The following UBE2O variants were observed in gnomAD, a reference collection of about 807,000 sequenced individuals.
The protein encoded by UBE2O is (E3-independent) E2 ubiquitin-conjugating enzyme.
In UBE2O, 15 loss-of-function variants were observed where a neutral mutation model predicts 125.8. The ratio of observed to expected loss-of-function variants is 0.12; its 90% CI spans 0.08 to 0.18. The LOEUF (loss-of-function observed/expected upper bound fraction) is 0.18. Among genes scored for constraint, UBE2O ranks in the 10% least tolerant of loss-of-function variants. UBE2O has a pLI of 1.00. For synonymous variants in UBE2O, 708 were observed against 703.2 expected (o/e 1.01, Z -0.11); for missense variants, 1,280 against 1,723.6 (o/e 0.74, Z 4.56).
At chr17:76,412,992 GAAGACAGGGC>G (rs1427418007) in intron 1 of UBE2O, among the ~76,000 whole-genome samples, 2 of 152,146 alleles carry the variant, frequency 1.3e-5, no homozygotes, top group Non-Finnish European at 2.9e-5. Flanking sequence ...TAGGTGACTG[GAAGACAGGGC>G]AAGACTCTGT....
Position 76,391,097 on chromosome 17 carries a change from C to T in UBE2O, c.3725G>A (p.Arg1242Gln), listed in dbSNP as rs754218354. The T allele has an allele frequency of 6.8e-6, 11 of 1,614,042 alleles. No homozygotes were observed. The highest frequency in any genetic ancestry group is 1.3e-5 in the African/African-American group (1 of 74,946). The change falls in exon 18 of 18, where the codon CGG (arginine) becomes CAG (glutamine). Residue 1242 changes from arginine (R) to glutamine (Q), a missense_variant. Transcript: ENST00000319380. The surrounding 1 kb of genome is among the most constrained non-coding windows in gnomAD (Gnocchi z 8.4). ...GCCACTCTTCTCAGGTAAGAAGCTCCGGTAGCTCTTTCTCCGCTTCTTTGG... is the reference window on the plus strand; with the variant it reads ...GCCACTCTTCTCAGGTAAGAAGCTCTGGTAGCTCTTTCTCCGCTTCTTTGG... The part of the protein sequence containing the change: ...VKPKKRRKSY[R>Q]SFLPEKSGYP...
rs1470629382 is a variant in UBE2O, at chr17:76,391,859, C to T, written c.3151-46G>A. 1 of 1,613,980 alleles carries T rather than the reference C, an allele frequency of 6.2e-7. No homozygotes were observed. The highest frequency in any genetic ancestry group is 8.5e-7 in the Non-Finnish European group (1 of 1,179,944). ...TCAATTCTGTTCCCCAGGCCCCTATCCACCAGTGGCTCTTCCTCCTTCTTG... is the reference window on the plus strand; with the variant it reads ...TCAATTCTGTTCCCCAGGCCCCTATTCACCAGTGGCTCTTCCTCCTTCTTG... On this transcript the variant is annotated intron_variant, in intron 16 of 17. Transcript: ENST00000319380. This position sits in a 1 kb window ranked among gnomAD's most constrained non-coding sequence, Gnocchi z 8.4.
intron 1 of UBE2O, among the ~76,000 whole-genome samples, chr17:76,445,182 G>C (rs1374489284): frequency 6.6e-6 from 1 of 152,056 alleles, no homozygotes; most frequent in Non-Finnish European, 1.5e-5. Flanking sequence ...AGTGCTAGCT[G>C]GGAATATTCA....
At chr17:76,409,857 G>C (rs573544492) in intron 1 of UBE2O, among the ~76,000 whole-genome samples, 26 of 152,270 alleles carry the variant, frequency 1.7e-4, no homozygotes, top group Middle Eastern at 3.4e-3. Flanking sequence ...TCTCCTGCAG[G>C]GGGGATGCAG....
rs752963483 is a variant in UBE2O at position 76,395,799 on chromosome 17, C to T, written c.2872G>A (p.Val958Met). Residue 958 changes from valine to methionine, a missense_variant, in exon 15 of 18, where the codon GTG (valine) becomes ATG (methionine). This residue lies in a region of UBE2O where 116 missense variants were observed against 154.8 expected (regional missense o/e 0.75). Transcript: ENST00000319380. This position sits in a 1 kb window ranked among gnomAD's most constrained non-coding sequence, Gnocchi z 5.0. ...PPEAKKFFST[V>M]RKEMALLATS... ...GCCAGCAGCGCCATCTCCTTCCGCA[C>T]TGTGCTGAAGAACTTCTTGGCTTCT... is the stretch of plus-strand genomic sequence containing the variant. 3 of 1,614,230 alleles carry T rather than the reference C, an allele frequency of 1.9e-6. No individual in the cohort carries two copies. Among genetic ancestry groups the T allele is most frequent in the Non-Finnish European group, 2.5e-6 (3 of 1,180,048 alleles).
At chr17:76,438,961 C>T (rs904856500) in intron 1 of UBE2O, among the ~76,000 whole-genome samples, 1 of 152,142 alleles carries the variant, frequency 6.6e-6, no homozygotes, top group African/African-American at 2.4e-5. Flanking sequence ...TTCCTAGCTC[C>T]CCACATTCCA....
intron 1 of UBE2O, chr17:76,430,444 G>C: frequency 4.4e-6 from 1 of 225,870 alleles, no homozygotes; most frequent in Non-Finnish European, 8.8e-6. Flanking sequence ...GAAGCCTGTG[G>C]ATCTGGCCCT....
At chr17:76,403,231 G>A (rs1378802517) in intron 3 of UBE2O, among the ~76,000 whole-genome samples, 1 of 151,756 alleles carries the variant, frequency 6.6e-6, no homozygotes, top group Non-Finnish European at 1.5e-5. Context: ...TTAGGTGGAA[G>A]TGGATCTATC....
chr17:76,439,556 T>C (rs2073049262), intron 1 of UBE2O, among the ~76,000 whole-genome samples: 6 of 152,228 alleles, frequency 3.9e-5, no homozygotes, highest in Admixed American at 3.9e-4. Flanking sequence ...CAGGCATTCT[T>C]GGTTTTTAAG....
Position 76,405,165 on chromosome 17 carries a change from G to A in UBE2O, c.588+41C>T. 1 of 1,480,696 alleles carries A rather than the reference G, an allele frequency of 6.8e-7. No homozygotes were observed. Among genetic ancestry groups the A allele is most frequent in the Non-Finnish European group, 9.3e-7 (1 of 1,075,208 alleles). 91.7% of individuals were successfully genotyped at this position (1,480,696 alleles called of 1,614,324 possible). ...AGAGGTCGTGCCGCCGAGAGAACCA[G>A]AGGGCCCAGAAAGGATGATGAGAAG... is the stretch of plus-strand genomic sequence containing the variant. On this transcript the variant is annotated intron_variant, in intron 3 of 17. Transcript: ENST00000319380. The surrounding 1 kb of genome is among the most constrained non-coding windows in gnomAD (Gnocchi z 6.1).
intron 1 of UBE2O, among the ~76,000 whole-genome samples, chr17:76,444,019 G>A (rs992578437): frequency 6.6e-6 from 1 of 152,156 alleles, no homozygotes; most frequent in Non-Finnish European, 1.5e-5. Context: ...TCAAGAGTTC[G>A]AGACCAGCCT....
At chr17:76,401,930 G>C (rs1442678285) in intron 5 of UBE2O, 134 bp downstream of exon 5, 2 of 525,082 alleles carry the variant, frequency 3.8e-6, no homozygotes, top group East Asian at 8.4e-5. Flanking sequence ...CAAACTTTTA[G>C]ACCCTCTGGC....
Position 76,452,846 on chromosome 17 carries a change from G to T in UBE2O, c.296C>A (p.Ser99Ter). Residue 99 changes from serine to a stop codon, truncating the protein, a stop_gained, in exon 1 of 18, where the codon TCG (serine) becomes TAG (stop). Transcript: ENST00000319380. LOFTEE classifies it high-confidence loss of function. The surrounding 1 kb of genome is among the most constrained non-coding windows in gnomAD (Gnocchi z 4.4). ...SEGEEEGRGS[S>*]GCSEAGGAGH... The stretch of plus-strand genomic sequence containing the variant: ...CGCGCCCCCGGCCTCGGAGCACCCC[G>T]AGCTCCCGCGGCCCTCCTCCTCGCC... 6.7e-7 allele frequency: 1 copy of T among 1,503,294 alleles called. No homozygotes were observed. The allele number at this position is 1,503,294 out of a possible 1,614,324, so 93.1% of individuals were successfully genotyped here. A position where few individuals can be genotyped will look rare whatever the true frequency, so the allele number is the denominator to read the frequency against.
chr17:76,424,528 C>T (rs982201883), intron 1 of UBE2O, among the ~76,000 whole-genome samples: 9 of 151,864 alleles, frequency 5.9e-5, no homozygotes, highest in African/African-American at 1.7e-4. Context: ...TTTTTATATT[C>T]GTTACATTCT....
intron 15 of UBE2O, 21 bp from the exon 16 acceptor site, chr17:76,392,134 G>T: frequency 2.7e-6 from 2 of 728,894 alleles, no homozygotes; most frequent in Non-Finnish European, 4.3e-6. Context: ...AGGGAGGGAG[G>T]GAGGCCAAGG....
Position 76,389,513 on chromosome 17 carries a change from A to C in UBE2O, c.*1430T>G, listed in dbSNP as rs948093669. The C allele has an allele frequency of 9.8e-5, 14 of 143,430 alleles. No homozygotes were observed. The highest frequency in any genetic ancestry group is 2.1e-4 in the Non-Finnish European group (13 of 62,774). The allele number at this position is 143,430 out of a possible 1,614,324, so 8.9% of individuals were successfully genotyped here. On this transcript the variant is annotated 3_prime_UTR_variant, in exon 18 of 18. Coordinates refer to ENST00000319380, the MANE Select transcript of UBE2O (RefSeq NM_022066.4). ...TTGTCTTGCTAATGAGCCAACACAA[A>C]AAAAAAAAAAAAAAAAAATGCAAGT... is the stretch of plus-strand genomic sequence containing the variant.
chr17:76,446,016 A>G (rs1275653384), intron 1 of UBE2O, among the ~76,000 whole-genome samples: 2 of 152,224 alleles, frequency 1.3e-5, no homozygotes, highest in Non-Finnish European at 2.9e-5. Flanking sequence ...GATCCTATTA[A>G]GTGAGAAAAG....
In UBE2O at chr17:76,441,878, C is replaced by T. The variant is rs117717596; in HGVS notation, c.417+10847G>A. ...TAGGCCTGGCATAGCCACTGCAACT[C>T]CAGGCCCCGCCCCCAAGGGTCTTGG... On this transcript the variant is annotated intron_variant, in intron 1 of 17. Transcript: ENST00000319380. 7.0e-3 allele frequency among the ~76,000 whole-genome samples: 1,067 copies of T among 152,384 alleles called. 8 individuals are homozygous for T. The highest frequency in any genetic ancestry group is 0.012 in the Non-Finnish European group (785 of 68,040).
At chr17:76,401,877 A>G (rs1277876392) in intron 5 of UBE2O, 187 bp downstream of exon 5, 37 of 323,412 alleles carry the variant, frequency 1.1e-4, no homozygotes, top group African/African-American at 7.0e-4. Flanking sequence ...CTGTCTCAAA[A>G]AAAAAAAAAA....
Sources: gnomAD v4.1 joint callset for allele counts (sites outside exome capture counted in the v4.1 genomes callset) on GRCh38, gnomAD v4.1.1 for gene constraint, gnomAD v4.1.1 regional missense constraint, Gnocchi (gnomAD v3.1) non-coding constraint, MANE v1.5 for transcripts, NCBI Gene and HGNC (gene_info 2026-07-23, HGNC 2026-07-21) for gene names.